The following PARVB variants were observed in gnomAD, a reference collection of about 807,000 sequenced individuals.
PARVB encodes the protein parvin beta.
PARVB carries 46 observed loss-of-function variants against 47.0 expected under a neutral mutation model. The observed-to-expected ratio is 0.98, with a 90% CI of 0.77 to 1.25. The LOEUF is 1.25. Ranked by LOEUF, PARVB falls within the 50% of genes most tolerant of loss-of-function variation. The pLI is 0.00. For synonymous variants in PARVB, 196 were observed against 196.3 expected (o/e 1.00, Z 0.01); for missense variants, 473 against 471.6 (o/e 1.00, Z -0.03).
In PARVB at chr22:44,171,323, C is replaced by T. The variant is rs1199581630; in HGVS notation, c.*2645C>T. The T allele has an allele frequency of 6.6e-6, 1 of 152,024 alleles. No individual in the cohort carries two copies. Among genetic ancestry groups the T allele is most frequent in the Non-Finnish European group, 1.5e-5 (1 of 68,028 alleles). 9.4% of individuals were successfully genotyped at this position (152,024 alleles called of 1,614,324 possible). ...CCAGCCTGGCCAACATGGTGAAACCCCATGTCTACTAAAAATACAAAAATT... is the reference window on the plus strand; with the variant it reads ...CCAGCCTGGCCAACATGGTGAAACCTCATGTCTACTAAAAATACAAAAATT... On this transcript the variant is annotated 3_prime_UTR_variant, in exon 13 of 13. Transcript: ENST00000338758.
chr22:44,163,973 G>A, intron 12 of PARVB, 43 bp downstream of exon 12: 2 of 1,497,746 alleles, frequency 1.3e-6, no homozygotes, highest in Non-Finnish European at 1.8e-6. Context: ...GGTGCGCACG[G>A]AGGGGAAGAA....
At chr22:44,138,428 G>C (rs763515906) in intron 7 of PARVB, among the ~76,000 whole-genome samples, 2 of 152,254 alleles carry the variant, frequency 1.3e-5, no homozygotes, top group Middle Eastern at 3.4e-3. Flanking sequence ...TGCCAGCCAG[G>C]GTCAGGGTAA....
At chr22:44,088,113 G>A (rs1330360887) in intron 1 of PARVB, among the ~76,000 whole-genome samples, 1 of 152,104 alleles carries the variant, frequency 6.6e-6, no homozygotes, top group African/African-American at 2.4e-5. Flanking sequence ...CCTTGTCAGT[G>A]GTCAAGCTGG....
chr22:44,110,843 AC>A (rs2052680252), intron 3 of PARVB: 1 of 152,134 alleles, frequency 6.6e-6, no homozygotes, highest in Admixed American at 6.5e-5. Context: ...TAAGTGATCC[AC>A]CAGCCTCGGC....
At chr22:44,136,775 G>A (rs1019161038) in intron 7 of PARVB, among the ~76,000 whole-genome samples, 3 of 152,230 alleles carry the variant, frequency 2.0e-5, no homozygotes, top group African/African-American at 7.2e-5. Context: ...TAAAAGGTGA[G>A]CTGTAAGAAC....
At chr22:44,151,230 G>T in intron 9 of PARVB, 1 of 434,094 alleles carries the variant, frequency 2.3e-6, no homozygotes, top group Non-Finnish European at 4.3e-6. Context: ...TGTCATGCGT[G>T]CACGGATTGG....
chr22:44,042,090 A>G (rs995718773), intron 1 of PARVB, among the ~76,000 whole-genome samples: 1 of 151,978 alleles, frequency 6.6e-6, no homozygotes, highest in Non-Finnish European at 1.5e-5. Flanking sequence ...TAAACATACA[A>G]TGAGGCCATA....
chr22:44,141,900 A>G (rs1330838696), intron 8 of PARVB: 2 of 152,214 alleles, frequency 1.3e-5, no homozygotes, highest in East Asian at 1.9e-4. Context: ...CATCCTGTAT[A>G]TAGTTGCTGA....
chr22:44,055,483 G>GT (rs2051289137), intron 1 of PARVB, among the ~76,000 whole-genome samples: 1 of 151,820 alleles, frequency 6.6e-6, no homozygotes, highest in Non-Finnish European at 1.5e-5. Context: ...TACAGGCACT[G>GT]GCCACCACAC....
At chr22:44,076,329 G>A (rs1353135963) in intron 1 of PARVB, among the ~76,000 whole-genome samples, 24 of 152,224 alleles carry the variant, frequency 1.6e-4, no homozygotes, top group Admixed American at 1.6e-3. Context: ...GCAGCCCTGT[G>A]TCCTCTTTCT....
At chr22:44,035,366 T>TC (rs2050900802) in intron 1 of PARVB, among the ~76,000 whole-genome samples, 1 of 129,978 alleles carries the variant, frequency 7.7e-6, no homozygotes, top group East Asian at 2.5e-4. Context: ...CTTTTCTTTT[T>TC]CCTTTTTTTT....
intron 1 of PARVB, among the ~76,000 whole-genome samples, chr22:44,043,052 G>A (rs1041425871): frequency 1.6e-4 from 25 of 152,252 alleles, no homozygotes; most frequent in Admixed American, 6.5e-4. Flanking sequence ...CCATCCATAC[G>A]ATAGAATACT....
At chr22:44,100,032 A>G (rs1365748864) in intron 2 of PARVB, 21 bp from the exon 3 acceptor site, 1 of 1,610,308 alleles carries the variant, frequency 6.2e-7, no homozygotes, top group Non-Finnish European at 8.5e-7. Flanking sequence ...GCTGACCGTG[A>G]CTTCCTTTTG....
chr22:44,044,618 T>C (rs577181475), intron 1 of PARVB, among the ~76,000 whole-genome samples: 12 of 152,306 alleles, frequency 7.9e-5, no homozygotes, highest in Non-Finnish European at 1.6e-4. Flanking sequence ...CTAGAGTAGC[T>C]TGGACTACAG....
chr22:44,047,160 G>A (rs1368057056), intron 1 of PARVB, among the ~76,000 whole-genome samples: 1 of 152,146 alleles, frequency 6.6e-6, no homozygotes, highest in East Asian at 1.9e-4. Flanking sequence ...AATGCATAAA[G>A]AAAAGAGGTT....
At chr22:44,168,384 G>A (rs1463891073) in intron 12 of PARVB, 12 of 524,384 alleles carry the variant, frequency 2.3e-5, no homozygotes, top group South Asian at 8.3e-5. Context: ...GCCTGTCCCC[G>A]CAGGGTGTCA....
chr22:44,094,548 G>GAT (rs1484395910), intron 2 of PARVB, among the ~76,000 whole-genome samples: 1 of 145,888 alleles, frequency 6.9e-6, no homozygotes, highest in Non-Finnish European at 1.6e-5. Context: ...GGGGTGCGGT[G>GAT]ATATGATCAC....
intron 1 of PARVB, among the ~76,000 whole-genome samples, chr22:44,080,934 C>G (rs1333962018): frequency 6.6e-6 from 1 of 152,122 alleles, no homozygotes; most frequent in African/African-American, 2.4e-5. Flanking sequence ...ACTAATAGTG[C>G]CTCGAAAGGA....
Position 44,100,082 on chromosome 22 carries a change from C to A in PARVB, c.232C>A (p.Pro78Thr), listed in dbSNP as rs1054482014. The A allele has an allele frequency of 5.0e-6, 8 of 1,614,028 alleles. No homozygotes were observed. The highest frequency in any genetic ancestry group is 5.9e-6 in the Non-Finnish European group (7 of 1,179,942). Residue 78 changes from proline (P) to threonine (T), a missense_variant, in exon 3 of 13, where the codon CCC becomes ACC. By Grantham distance (38) the Pro-to-Thr change is conservative. Transcript: ENST00000338758. ...GAACGAGGAGCGCACGATGATTGAC[C>A]CCACTTCCAAGGAAGACCCCAAGTT... Reference protein sequence around the residue: ...EENEERTMIDPTSKEDPKFKE... With the variant: ...EENEERTMIDTTSKEDPKFKE...
Sources: allele counts gnomAD v4.1 joint callset (sites outside exome capture counted in the v4.1 genomes callset), GRCh38; gene constraint gnomAD v4.1.1; transcripts MANE v1.5; gene names NCBI Gene and HGNC (gene_info 2026-07-23, HGNC 2026-07-21).